The following EEA1 variants were observed in gnomAD, a reference collection of about 807,000 sequenced individuals.
The protein encoded by EEA1 is early endosome antigen 1, 162kD.
A neutral mutation model predicts 209.2 loss-of-function variants in EEA1; 111 were observed. The ratio of observed to expected loss-of-function variants is 0.53; its 90% CI spans 0.45 to 0.62. The LOEUF (loss-of-function observed/expected upper bound fraction) is 0.62, where lower values mean the gene tolerates loss of function less well. Among genes scored for constraint, EEA1 ranks in the 20% least tolerant of loss-of-function variants. The pLI is 0.00. For missense variants in EEA1, 1,343 were observed against 1,530.8 expected, an observed-to-expected ratio of 0.88 and a Z score of 2.05; for synonymous variants, 536 against 540.6, an observed-to-expected ratio of 0.99 and a Z score of 0.12.
chr12:92,787,549 T>A (rs1565807673), intron 22 of EEA1, among the ~76,000 whole-genome samples: 1 of 152,096 alleles, frequency 6.6e-6, no homozygotes, highest in African/African-American at 2.4e-5. Context: ...TTTTCACAAG[T>A]GGTTTACATT....
chr12:92,857,443 C>G lies in EEA1; in HGVS notation c.288G>C (p.Gln96His), dbSNP rs758004246. Reference sequence around the variant, plus strand: ...TTTTTATTCTTACCTTAAGTGAAGCCTGTAGGTCTTGGACCTCTTGTCTGA... The same window carrying G: ...TTTTTATTCTTACCTTAAGTGAAGCGTGTAGGTCTTGGACCTCTTGTCTGA... ...TLLRQEVQDL[Q>H]ASLKEEKWYS... The change falls in exon 4 of 29, where the codon CAG becomes CAC. Residue 96 changes from glutamine (Q) to histidine (H), a missense_variant. Gln to His is a conservative substitution (Grantham distance 24). Transcript: ENST00000322349. 1 of 1,598,366 alleles carries G rather than the reference C, an allele frequency of 6.3e-7. No individual in the cohort carries two copies. The highest frequency in any genetic ancestry group is 8.5e-7 in the Non-Finnish European group (1 of 1,174,746).
chr12:92,902,418 A>G lies in EEA1; in HGVS notation c.25-10697T>C, dbSNP rs186265065. 2.6e-5 allele frequency among the ~76,000 whole-genome samples: 4 copies of G among 152,264 alleles called. No homozygotes were observed. In the East Asian group the frequency reaches 5.8e-4, roughly 22 times the overall value. On this transcript the variant is annotated intron_variant, in intron 1 of 28. Coordinates refer to ENST00000322349, the MANE Select transcript of EEA1 (RefSeq NM_003566.4). Reference sequence around the variant, plus strand: ...ACTTAGTAAGCGGGGCAAGGCAACTATCCCTTGCAATGAATAGAAACTCTT... The same window carrying G: ...ACTTAGTAAGCGGGGCAAGGCAACTGTCCCTTGCAATGAATAGAAACTCTT...
chr12:92,848,722 CTTTTTTTTTTTTTTTTTT>C (rs71069184), intron 9 of EEA1, among the ~76,000 whole-genome samples: 2 of 64,550 alleles, frequency 3.1e-5, no homozygotes, highest in African/African-American at 1.2e-4. Context: ...ATATTCTCAC[CTTTTTTTTTTTTTTTTTT>C]TTTTTTTTTT....
intron 3 of EEA1, among the ~76,000 whole-genome samples, chr12:92,861,403 C>T (rs924807836): frequency 4.6e-5 from 7 of 152,084 alleles, no homozygotes; most frequent in Admixed American, 1.3e-4. Context: ...TGCGGTGAGC[C>T]GAGATTGTGC....
At chr12:92,780,235 AG>A in intron 24 of EEA1, 44 bp downstream of exon 24, 1 of 1,557,962 alleles carries the variant, frequency 6.4e-7, no homozygotes, top group African/African-American at 1.4e-5. Flanking sequence ...TTCTTTAAAG[AG>A]CAATATAACA....
At chr12:92,819,967 C>T (rs951689896) in intron 13 of EEA1, among the ~76,000 whole-genome samples, 1 of 152,136 alleles carries the variant, frequency 6.6e-6, no homozygotes, top group Non-Finnish European at 1.5e-5. Flanking sequence ...CTACTCTGAC[C>T]ATTCCATTTA....
intron 21 of EEA1, among the ~76,000 whole-genome samples, chr12:92,797,770 A>C (rs1290219778): frequency 2.6e-5 from 4 of 152,218 alleles, no homozygotes; most frequent in African/African-American, 9.6e-5. Context: ...AAGAATAGAC[A>C]CATTTGTCTA....
At chr12:92,816,989 A>C (rs1353452530) in intron 14 of EEA1, among the ~76,000 whole-genome samples, 1 of 151,188 alleles carries the variant, frequency 6.6e-6, no homozygotes, top group South Asian at 2.1e-4. Context: ...TCTTTGATGT[A>C]CCTTGCTTTT....
intron 11 of EEA1, among the ~76,000 whole-genome samples, chr12:92,831,912 C>T (rs1193644790): frequency 6.7e-6 from 1 of 149,588 alleles, no homozygotes; most frequent in East Asian, 1.9e-4. Flanking sequence ...GGTGAAACCC[C>T]GTCTCTACTA....
rs760322579 is a variant in EEA1 at position 92,851,219 on chromosome 12, C to G, written c.690G>C (p.Leu230=). 1.2e-6 allele frequency: 2 copies of G among 1,613,806 alleles called. No individual in the cohort carries two copies. The highest frequency in any genetic ancestry group is 1.7e-5 in the Admixed American group (1 of 59,998). The change falls in exon 9 of 29, where the codon CTG becomes CTC. Residue 230 remains leucine (L), a synonymous_variant. Transcript: ENST00000322349. ...TATCCATTAGTGTTTGAACTTGGAC[C>G]AGTTCTTTCTTTAGCACGGCAACAT... is the stretch of plus-strand genomic sequence containing the variant. ...IEDVAVLKKE[L]VQVQTLMDNM... is the part of the protein sequence containing the mutation.
intron 21 of EEA1, among the ~76,000 whole-genome samples, chr12:92,794,730 G>A (rs1027108035): frequency 1.3e-4 from 19 of 150,926 alleles, no homozygotes; most frequent in African/African-American, 1.7e-4. Flanking sequence ...AGGGCCTGTC[G>A]GGGGGTGGGG....
At chr12:92,815,977 T>C (rs897182089) in intron 15 of EEA1, among the ~76,000 whole-genome samples, 1 of 123,368 alleles carries the variant, frequency 8.1e-6, no homozygotes, top group African/African-American at 3.1e-5. Context: ...AAAGGAAGAG[T>C]GAGAGGAAGG....
At chr12:92,891,243 A>C (rs1565852562) in intron 2 of EEA1, among the ~76,000 whole-genome samples, 2 of 152,148 alleles carry the variant, frequency 1.3e-5, no homozygotes, top group Non-Finnish European at 2.9e-5. Context: ...ACAAAGTCAT[A>C]CATGAAGACA....
At chr12:92,853,999 G>GACA in intron 5 of EEA1, 45 bp from the exon 6 acceptor site, 2 of 1,389,976 alleles carry the variant, frequency 1.4e-6, no homozygotes, top group East Asian at 2.5e-5. Context: ...AAAAGGAAAA[G>GACA]ATAATACTGT....
intron 1 of EEA1, among the ~76,000 whole-genome samples, chr12:92,915,295 C>T (rs750535291): frequency 7.2e-5 from 11 of 151,972 alleles, no homozygotes; most frequent in Non-Finnish European, 1.5e-4. Context: ...AGTGAGACCC[C>T]GTCTCTACAA....
At position 92,847,589 on chromosome 12, in the gene EEA1, A is replaced by G. The variant is rs191897449; in HGVS notation, c.798+3522T>C. ...CCCAATACAAATATTACAACACACA[A>G]TATGGCAAAATTAGAAAAGTAATTA... On this transcript the variant is annotated intron_variant, in intron 9 of 28. Coordinates refer to ENST00000322349, the MANE Select transcript of EEA1 (RefSeq NM_003566.4). Among the ~76,000 whole-genome samples the G allele has an allele frequency of 1.2e-4, 18 of 152,350 alleles. No individual in the cohort carries two copies. In the East Asian group the frequency reaches 2.9e-3, roughly 24 times the overall value.
chr12:92,875,308 C>T (rs772528269), intron 2 of EEA1, among the ~76,000 whole-genome samples: 3 of 152,062 alleles, frequency 2.0e-5, no homozygotes, highest in Non-Finnish European at 4.4e-5. Flanking sequence ...TGGTGGCACG[C>T]GCCTGTGGTC....
At chr12:92,883,631 C>T in intron 2 of EEA1, 5 of 531,608 alleles carry the variant, frequency 9.4e-6, no homozygotes, top group Non-Finnish European at 9.7e-6. Context: ...CTGCATAAGC[C>T]ACATGATTTT....
intron 1 of EEA1, among the ~76,000 whole-genome samples, chr12:92,903,468 C>T (rs150070551): frequency 0.018 from 2,666 of 151,566 alleles, 87 homozygotes; most frequent in African/African-American, 0.059. Context: ...CGTGGTGGCA[C>T]GTGCCTGTAG....
Sources: gnomAD v4.1 joint callset for allele counts (sites outside exome capture counted in the v4.1 genomes callset) on GRCh38, gnomAD v4.1.1 for gene constraint, MANE v1.5 for transcripts, NCBI Gene and HGNC (gene_info 2026-07-23, HGNC 2026-07-21) for gene names.